PIK3CD: variants seen among roughly 807,000 people sequenced by gnomAD.
PIK3CD encodes phosphatidylinositol 4,5-bisphosphate 3-kinase catalytic subunit delta isoform.
PIK3CD carries 20 observed loss-of-function variants against 122.9 expected under a neutral mutation model. The observed-to-expected ratio is 0.16, with a 90% CI of 0.11 to 0.24. The LOEUF (loss-of-function observed/expected upper bound fraction) is 0.24, where lower values mean the gene tolerates loss of function less well. PIK3CD is among the 10% of genes least tolerant of loss of function. The pLI, the probability that PIK3CD is intolerant of heterozygous loss-of-function variation, is 1.00. For synonymous variants in PIK3CD, 596 were observed against 593.4 expected (o/e 1.00, Z -0.06); for missense variants, 787 against 1,406.3 (o/e 0.56, Z 7.04).
intron 1 of PIK3CD, among the ~76,000 whole-genome samples, chr1:9,666,866 A>G (rs1363414084): frequency 8.9e-6 from 1 of 111,806 alleles, no homozygotes; most frequent in African/African-American, 3.3e-5. Context: ...CATGCCTGCT[A>G]TTTTTTTTTT....
chr1:9,691,718 A>G lies in PIK3CD; in HGVS notation c.-33+147A>G, dbSNP rs184216298. 2.5e-4 allele frequency: 96 copies of G among 390,464 alleles called. 1 individual carries two copies. The East Asian group carries it at 3.2e-3, about 13-fold the overall frequency. The allele number at this position is 390,464 out of a possible 1,614,324, so 24.2% of individuals were successfully genotyped here. On this transcript the variant is annotated intron_variant, in intron 2 of 23. Transcript: ENST00000377346. ...GTAGGACTAGCACACCCAGAGGAAG[A>G]GAGTGACCCAAATTGGTGCTAGGAG... is the stretch of plus-strand genomic sequence containing the variant.
chr1:9,680,072 G>A (rs1484839491), intron 1 of PIK3CD, among the ~76,000 whole-genome samples: 3 of 152,130 alleles, frequency 2.0e-5, no homozygotes, highest in Admixed American at 1.3e-4. Context: ...TGATCCACCC[G>A]CATTGGCATC....
At chr1:9,650,817 AC>A (rs35367253), upstream of PIK3CD, among the ~76,000 whole-genome samples, 79,909 of 151,628 alleles carry the variant, frequency 0.53, 22,678 homozygotes, top group East Asian at 0.89. Flanking sequence ...TCCGCCTGAT[AC>A]TAATACTTTA....
chr1:9,722,202 G>A lies in PIK3CD; in HGVS notation c.2235-42G>A, dbSNP rs563780408. 9.2e-5 allele frequency: 148 copies of A among 1,611,014 alleles called. 1 individual carries two copies. In the South Asian group the frequency reaches 1.6e-3, roughly 17 times the overall value. On this transcript the variant is annotated intron_variant, in intron 17 of 23. Transcript: ENST00000377346. This position sits in a 1 kb window ranked among gnomAD's most constrained non-coding sequence, Gnocchi z 7.6. ...GGTTCCTCCCACCCCTGGGAGGCCG[G>A]TAGAGGAGCCCCTGCTGACTGCCCG...
intron 1 of PIK3CD, among the ~76,000 whole-genome samples, chr1:9,660,199 A>G (rs945967892): frequency 1.3e-5 from 2 of 152,252 alleles, no homozygotes; most frequent in African/African-American, 4.8e-5. Flanking sequence ...GGCGTGAGCC[A>G]CCGCGCCTGG....
intron 2 of PIK3CD, among the ~76,000 whole-genome samples, chr1:9,692,545 A>G (rs906309269): frequency 3.3e-5 from 5 of 151,610 alleles, no homozygotes; most frequent in Non-Finnish European, 5.9e-5. Context: ...GCCAACCAAC[A>G]TGGTGAAACC....
At chr1:9,670,879 T>TC (rs2100980952) in intron 1 of PIK3CD, among the ~76,000 whole-genome samples, 1 of 152,036 alleles carries the variant, frequency 6.6e-6, no homozygotes, top group African/African-American at 2.4e-5. Context: ...TGCCTCAGCC[T>TC]CCCGAGTAGC....
At chr1:9,691,678 A>G (rs996787110) in intron 2 of PIK3CD, 107 bp downstream of exon 2, 3 of 394,330 alleles carry the variant, frequency 7.6e-6, no homozygotes, top group Non-Finnish European at 8.9e-6. Context: ...TCTCCAGCCA[A>G]AGGAAGACTT....
intron 1 of PIK3CD, among the ~76,000 whole-genome samples, chr1:9,667,016 G>A (rs542261081): frequency 1.3e-3 from 190 of 151,976 alleles, no homozygotes; most frequent in African/African-American, 4.3e-3. Context: ...GGCGTACACC[G>A]CCATGCCTGG....
At chr1:9,686,367 T>TTTC (rs1195551083) in intron 1 of PIK3CD, among the ~76,000 whole-genome samples, 10 of 145,108 alleles carry the variant, frequency 6.9e-5, no homozygotes, top group Admixed American at 4.1e-4. Context: ...CTAATTTTCT[T>TTTC]TTTTTTTTTT....
the PIK3CD span, among the ~76,000 whole-genome samples, chr1:9,634,106 G>A: frequency 2.7e-5 from 4 of 150,784 alleles, no homozygotes; most frequent in African/African-American, 4.9e-5. Flanking sequence ...TGAGTAACTG[G>A]GACCACAGGT....
At chr1:9,709,036 CTT>C (rs747056340) in intron 2 of PIK3CD, among the ~76,000 whole-genome samples, 1 of 146,944 alleles carries the variant, frequency 6.8e-6, no homozygotes, top group African/African-American at 2.5e-5. Flanking sequence ...CAAATTTTTT[CTT>C]TTTTTTTTGA....
intron 1 of PIK3CD, among the ~76,000 whole-genome samples, chr1:9,669,714 T>C (rs1645266416): frequency 6.6e-6 from 1 of 152,096 alleles, no homozygotes; most frequent in East Asian, 1.9e-4. Flanking sequence ...AAACAGGGTG[T>C]GCTTGATGCC....
chr1:9,645,020 CTTTTCTTTTTTTTT>C, the PIK3CD span, among the ~76,000 whole-genome samples: 1 of 120,746 alleles, frequency 8.3e-6, no homozygotes, highest in Non-Finnish European at 1.6e-5. Flanking sequence ...CTTTTCTTTT[CTTTTCTTTTTTTTT>C]TTTTTTTTTG....
rs972014609 is a variant in PIK3CD, at chr1:9,717,797, AG to A, written c.1020+176del. On this transcript the variant is annotated intron_variant, in intron 8 of 23. Coordinates refer to ENST00000377346, the MANE Select transcript of PIK3CD (RefSeq NM_005026.5). The surrounding 1 kb of genome is among the most constrained non-coding windows in gnomAD (Gnocchi z 5.4). ...AGCGGCTTGAAAACAGGAAGTGGGG[AG>A]GGGGTGGGCCAGCCGGCCCTGGAGG... 1.3e-5 allele frequency among the ~76,000 whole-genome samples: 2 copies of A among 151,602 alleles called. No homozygotes were observed. The highest frequency in any genetic ancestry group is 4.9e-5 in the African/African-American group (2 of 41,232).
intron 1 of PIK3CD, among the ~76,000 whole-genome samples, chr1:9,673,981 C>G (rs772038068): frequency 3.3e-5 from 5 of 152,198 alleles, no homozygotes; most frequent in Admixed American, 6.5e-5. Flanking sequence ...GGAAGGAAGG[C>G]TCGACTCCAT....
At chr1:9,712,042 G>A (rs547085349) in intron 3 of PIK3CD, among the ~76,000 whole-genome samples, 29 of 149,782 alleles carry the variant, frequency 1.9e-4, no homozygotes, top group African/African-American at 3.7e-4. Context: ...GACTACAGGC[G>A]CCCACCACCA....
In PIK3CD at chr1:9,721,742, C is replaced by T. The variant is rs1648697766; in HGVS notation, c.1956-19C>T. On this transcript the variant is annotated intron_variant, in intron 15 of 23. Transcript: ENST00000377346. Reference sequence around the variant, plus strand: ...CGTGGTGCTGCCTGGTGAGGCTCAGCCCTCCCTTCACCTTCCAGCTCCGAG... The same window carrying T: ...CGTGGTGCTGCCTGGTGAGGCTCAGTCCTCCCTTCACCTTCCAGCTCCGAG... 6.2e-7 allele frequency: 1 copy of T among 1,611,732 alleles called. No homozygotes were observed. Among genetic ancestry groups the T allele is most frequent in the Non-Finnish European group, 8.5e-7 (1 of 1,179,146 alleles).
upstream of PIK3CD, among the ~76,000 whole-genome samples, chr1:9,648,752 T>C (rs1644630136): frequency 6.6e-6 from 1 of 152,248 alleles, no homozygotes; most frequent in African/African-American, 2.4e-5. Context: ...TGGTCCTTCC[T>C]GGCTCCTCTG....
Sources: allele counts gnomAD v4.1 joint callset (sites outside exome capture counted in the v4.1 genomes callset), GRCh38; gene constraint gnomAD v4.1.1; non-coding constraint Gnocchi (gnomAD v3.1); transcripts MANE v1.5; gene names NCBI Gene and HGNC (gene_info 2026-07-23, HGNC 2026-07-21).